The following RIMS2 variants were observed in gnomAD, a reference collection of about 807,000 sequenced individuals.
The protein encoded by RIMS2 is regulating synaptic membrane exocytosis 2.
In RIMS2, 59 loss-of-function variants were observed where a neutral mutation model predicts 174.4. That is an observed-to-expected ratio of 0.34 (90% CI 0.27 to 0.42). The LOEUF is 0.42. RIMS2 is among the 10% of genes least tolerant of loss of function. The probability of loss-of-function intolerance (pLI) is 1.00; values close to 1 mark genes in which losing one functional copy is unlikely to be tolerated. For missense variants in RIMS2, 1,620 were observed against 1,666.3 expected (o/e 0.97, Z 0.48); for synonymous variants, 606 against 572.5 (o/e 1.06, Z -0.84).
chr8:104,139,030 C>T (rs1333465901), intron 19 of RIMS2, among the ~76,000 whole-genome samples: 1 of 152,068 alleles, frequency 6.6e-6, no homozygotes, highest in Non-Finnish European at 1.5e-5. Context: ...ACTGTTCTAA[C>T]CTCAATGTAT....
intron 3 of RIMS2, among the ~76,000 whole-genome samples, chr8:103,868,793 T>A (rs1472656867): frequency 6.6e-6 from 1 of 152,158 alleles, no homozygotes; most frequent in Non-Finnish European, 1.5e-5. Flanking sequence ...CTTCTGACCA[T>A]GTTTCCCTAT....
chr8:103,716,536 A>G lies in RIMS2; in HGVS notation c.387+19240A>G, dbSNP rs114946702. 6.8e-3 allele frequency among the ~76,000 whole-genome samples: 1,041 copies of G among 152,108 alleles called. 7 individuals carry two copies. Among genetic ancestry groups the G allele is most frequent in the African/African-American group, 0.024 (987 of 41,546 alleles). On this transcript the variant is annotated intron_variant, in intron 2 of 23. Coordinates refer to ENST00000504942, the Ensembl canonical transcript of RIMS2. ...TTTACACTTCATATATTATAGATGAAAAGTTGATTATTTGATTTTTAAAAA... is the reference window on the plus strand; with the variant it reads ...TTTACACTTCATATATTATAGATGAGAAGTTGATTATTTGATTTTTAAAAA...
At chr8:104,238,690 G>C (rs944228901) in intron 19 of RIMS2, among the ~76,000 whole-genome samples, 1 of 152,088 alleles carries the variant, frequency 6.6e-6, no homozygotes, top group African/African-American at 2.4e-5. Flanking sequence ...TCTCATTGCT[G>C]CAATAAGGGA....
chr8:103,766,628 G>C, intron 3 of RIMS2, 91 bp downstream of exon 6: 1 of 820,746 alleles, frequency 1.2e-6, no homozygotes, highest in Non-Finnish European at 1.9e-6. Context: ...TTAGGCAATG[G>C]TGAGTTGTCT....
intron 17 of RIMS2, among the ~76,000 whole-genome samples, chr8:103,997,741 T>C (rs532099054): frequency 1.3e-5 from 2 of 151,904 alleles, no homozygotes; most frequent in Non-Finnish European, 3.0e-5. Context: ...CCCTTTGTAG[T>C]TATTTTTAAT....
intron 14 of RIMS2, among the ~76,000 whole-genome samples, chr8:103,953,777 T>A (rs1343802179): frequency 6.6e-6 from 1 of 152,104 alleles, no homozygotes; most frequent in Non-Finnish European, 1.5e-5. Context: ...TAAAACAGGC[T>A]AAATGCCCCA....
chr8:103,536,819 T>A (rs1271242389), intron 1 of RIMS2, among the ~76,000 whole-genome samples: 2 of 152,180 alleles, frequency 1.3e-5, no homozygotes, highest in African/African-American at 2.4e-5. Context: ...CAATTCGATG[T>A]GAGATTTAGG....
chr8:103,865,390 T>C (rs963580606), intron 3 of RIMS2, among the ~76,000 whole-genome samples: 1 of 150,196 alleles, frequency 6.7e-6, no homozygotes, highest in Non-Finnish European at 1.5e-5. Context: ...GTTCAAGAGA[T>C]TCTCCTACCT....
chr8:103,802,199 G>A (rs1043055198), intron 3 of RIMS2, among the ~76,000 whole-genome samples: 5 of 152,094 alleles, frequency 3.3e-5, no homozygotes, highest in Admixed American at 3.3e-4. Flanking sequence ...CAACACTAAT[G>A]TGTGTCTTAG....
At chr8:104,036,783 A>ACACAAGTT (rs2096527158) in intron 19 of RIMS2, among the ~76,000 whole-genome samples, 1 of 152,020 alleles carries the variant, frequency 6.6e-6, no homozygotes, top group African/African-American at 2.4e-5. Context: ...AGGCTGAGGC[A>ACACAAGTT]GGAGAATCGC....
chr8:103,783,837 C>T (rs1481093919), intron 3 of RIMS2, among the ~76,000 whole-genome samples: 2 of 151,524 alleles, frequency 1.3e-5, no homozygotes, highest in African/African-American at 2.4e-5. Context: ...CCTGAGGAAT[C>T]GCCACACTGA....
chr8:104,185,195 C>T (rs1472598357), intron 19 of RIMS2, among the ~76,000 whole-genome samples: 6 of 151,420 alleles, frequency 4.0e-5, no homozygotes, highest in Admixed American at 1.3e-4. Context: ...ATAAGGCATA[C>T]GATCTTGCTT....
intron 2 of RIMS2, among the ~76,000 whole-genome samples, chr8:103,699,790 T>C (rs2097148110): frequency 6.6e-6 from 1 of 152,202 alleles, no homozygotes; most frequent in Admixed American, 6.5e-5. Context: ...TTCTTCATTT[T>C]ATTAAGTTAA....
At chr8:104,029,577 A>G (rs1236037007) in intron 19 of RIMS2, among the ~76,000 whole-genome samples, 1 of 152,160 alleles carries the variant, frequency 6.6e-6, no homozygotes, top group African/African-American at 2.4e-5. Context: ...TGTTACCAGC[A>G]TATGTTACTT....
At chr8:104,040,996 C>T (rs1454276994) in intron 19 of RIMS2, among the ~76,000 whole-genome samples, 1 of 151,656 alleles carries the variant, frequency 6.6e-6, no homozygotes, top group Non-Finnish European at 1.5e-5. Flanking sequence ...ATGCAACTAA[C>T]ACTGTTTTTA....
Position 103,874,521 on chromosome 8 carries a change from A to G in RIMS2, c.699-10777A>G, listed in dbSNP as rs565055362. On this transcript the variant is annotated intron_variant, in intron 3 of 23. Transcript: ENST00000504942. Reference sequence around the variant, plus strand: ...GACTAAGTAACCCTAAAAGTCACCTACTTTTAGCTTGTAATCTAACACATT... The same window carrying G: ...GACTAAGTAACCCTAAAAGTCACCTGCTTTTAGCTTGTAATCTAACACATT... 1.1e-4 allele frequency among the ~76,000 whole-genome samples: 17 copies of G among 152,042 alleles called. No homozygotes were observed. The South Asian group carries it at 1.7e-3, about 15-fold the overall frequency.
In RIMS2 at chr8:104,054,570, A is replaced by G. The variant is rs551132228; in HGVS notation, c.3334+39955A>G. 2.7e-3 allele frequency among the ~76,000 whole-genome samples: 413 copies of G among 152,290 alleles called. 1 individual carries two copies. Among genetic ancestry groups the G allele is most frequent in the Non-Finnish European group, 4.8e-3 (328 of 67,988 alleles). On this transcript the variant is annotated intron_variant, in intron 19 of 23. Transcript: ENST00000504942. ...ATGTGCTGCTCTTGTTTTCATCACA[A>G]TATTGCTACATAAGCTTCACTGATT... is the stretch of plus-strand genomic sequence containing the variant.
At chr8:104,051,506 T>TGG (rs1383250736) in intron 19 of RIMS2, among the ~76,000 whole-genome samples, 9 of 151,950 alleles carry the variant, frequency 5.9e-5, no homozygotes, top group East Asian at 3.9e-4. Flanking sequence ...AGAATGACCA[T>TGG]ATTATAGTCC....
At chr8:103,811,061 G>A (rs1592925800) in intron 3 of RIMS2, among the ~76,000 whole-genome samples, 2 of 152,160 alleles carry the variant, frequency 1.3e-5, no homozygotes, top group Non-Finnish European at 2.9e-5. Context: ...CAGTTTGCAA[G>A]TTTAGGTGTG....
Sources: allele counts gnomAD v4.1 joint callset (sites outside exome capture counted in the v4.1 genomes callset), GRCh38; gene constraint gnomAD v4.1.1; transcripts MANE v1.5; gene names NCBI Gene and HGNC (gene_info 2026-07-23, HGNC 2026-07-21).